Variants in CLEC16A observed in about 807,000 individuals in gnomAD.
CLEC16A encodes C-type lectin domain containing 16A.
Under a neutral mutation model 109.5 loss-of-function variants are expected in CLEC16A, and 51 were observed. The observed-to-expected ratio is 0.47, with a 90% CI of 0.37 to 0.59. The LOEUF (loss-of-function observed/expected upper bound fraction) is 0.59. Among genes scored for constraint, CLEC16A ranks in the 20% least tolerant of loss-of-function variants. The pLI is 0.00. For missense variants in CLEC16A, 1,339 were observed against 1,394.0 expected, an observed-to-expected ratio of 0.96 and a Z score of 0.63; for synonymous variants, 673 against 564.2, an observed-to-expected ratio of 1.19 and a Z score of -2.73.
At position 11,109,229 on chromosome 16, in the gene CLEC16A, G is replaced by A. The variant is rs569955804; in HGVS notation, c.2117-11386G>A. ...CACCCAGGCAGTGGTGCAGTGGTGC[G>A]ATCATGACCCAGTGCAACCTGGAAC... On this transcript the variant is annotated intron_variant, in intron 19 of 23. Transcript: ENST00000409790. Among the ~76,000 whole-genome samples, 8 of 150,682 alleles carry A rather than the reference G, an allele frequency of 5.3e-5. No individual in the cohort carries two copies. In the South Asian group the frequency reaches 1.5e-3, roughly 28 times the overall value.
At chr16:11,158,602 G>C (rs2054614247) in intron 22 of CLEC16A, among the ~76,000 whole-genome samples, 3 of 152,144 alleles carry the variant, frequency 2.0e-5, no homozygotes, top group Non-Finnish European at 4.4e-5. Flanking sequence ...GAGGCCCCAA[G>C]GTATGACAGA....
intron 19 of CLEC16A, among the ~76,000 whole-genome samples, chr16:11,101,531 A>G (rs1338691283): frequency 2.6e-5 from 4 of 152,204 alleles, no homozygotes; most frequent in African/African-American, 7.2e-5. Flanking sequence ...GTGAGGTCCT[A>G]CAGAGCAGGG....
chr16:11,139,308 C>G (rs1443799674), intron 22 of CLEC16A, among the ~76,000 whole-genome samples: 1 of 152,218 alleles, frequency 6.6e-6, no homozygotes, highest in Non-Finnish European at 1.5e-5. Context: ...CTCCTGGCAC[C>G]TCTGCTGAGG....
At chr16:11,090,115 G>A (rs528064154) in intron 19 of CLEC16A, among the ~76,000 whole-genome samples, 4 of 152,226 alleles carry the variant, frequency 2.6e-5, no homozygotes, top group Admixed American at 6.5e-5. Context: ...ACTCCATTGC[G>A]TAGAATCATG....
rs950786213 is a variant in CLEC16A at position 11,012,399 on chromosome 16, T to C, written c.1304-7794T>C. Among the ~76,000 whole-genome samples, 7 of 152,054 alleles carry C rather than the reference T, an allele frequency of 4.6e-5. No homozygotes were observed. The Middle Eastern group carries it at 0.014, about 298-fold the overall frequency. ...TCATGAGGTCAGGAGATCGAGACGA[T>C]CCTGGCTAATACGGTGAAACCCTGT... On this transcript the variant is annotated intron_variant, in intron 11 of 23. Transcript: ENST00000409790.
intron 19 of CLEC16A, among the ~76,000 whole-genome samples, chr16:11,077,526 G>A (rs1031177533): frequency 4.0e-5 from 6 of 150,794 alleles, no homozygotes; most frequent in East Asian, 3.9e-4. Flanking sequence ...GCGTAGTGGC[G>A]TGTGCCTGTA....
intron 19 of CLEC16A, among the ~76,000 whole-genome samples, chr16:11,095,065 A>G (rs2050526328): frequency 6.7e-6 from 1 of 149,604 alleles, no homozygotes; most frequent in Admixed American, 6.7e-5. Flanking sequence ...CTTGTTTCTT[A>G]TTTGAACAGT....
intron 13 of CLEC16A, chr16:11,027,214 C>T: frequency 7.0e-7 from 1 of 1,429,030 alleles, no homozygotes; most frequent in Non-Finnish European, 9.8e-7. Flanking sequence ...CAGCAGAAAC[C>T]TGACAAGGTG....
intron 1 of CLEC16A, among the ~76,000 whole-genome samples, chr16:10,957,309 C>T (rs35890203): frequency 6.6e-6 from 1 of 152,240 alleles, no homozygotes; most frequent in Non-Finnish European, 1.5e-5. Flanking sequence ...CTCCATCTCT[C>T]TAAACCTCAA....
chr16:11,180,223 G>C lies in CLEC16A; in HGVS notation c.*1533G>C, dbSNP rs199770901. The C allele has an allele frequency of 1.3e-5, 2 of 152,478 alleles. No homozygotes were observed. Among genetic ancestry groups the C allele is most frequent in the South Asian group, 4.1e-4 (2 of 4,832 alleles). 9.4% of individuals were successfully genotyped at this position (152,478 alleles called of 1,614,324 possible). ...GCCAGCTGTCCCGGCAAGGCCTGCC[G>C]AGGGCAGTTTTCAACCTCATGAAGG... On this transcript the variant is annotated 3_prime_UTR_variant, in exon 24 of 24. Coordinates refer to ENST00000409790, the MANE Select transcript of CLEC16A (RefSeq NM_015226.3).
chr16:10,989,488 G>A (rs191203004), intron 10 of CLEC16A, among the ~76,000 whole-genome samples: 1 of 152,234 alleles, frequency 6.6e-6, no homozygotes, highest in East Asian at 1.9e-4. Flanking sequence ...ACCCACCTTG[G>A]CCTCGCAAAG....
chr16:11,044,170 G>A, intron 16 of CLEC16A, 98 bp downstream of exon 16: 12 of 1,046,400 alleles, frequency 1.1e-5, no homozygotes, highest in Non-Finnish European at 1.6e-5. Context: ...TATGTCTTCA[G>A]TTATTTTTTA....
chr16:10,954,088 C>A lies in CLEC16A; in HGVS notation c.81-3694C>A, dbSNP rs1049791359. Among the ~76,000 whole-genome samples, 14 of 152,130 alleles carry A rather than the reference C, an allele frequency of 9.2e-5. No individual in the cohort carries two copies. The highest frequency in any genetic ancestry group is 3.4e-4 in the African/African-American group (14 of 41,424). On this transcript the variant is annotated intron_variant, in intron 1 of 23. Coordinates refer to ENST00000409790, the MANE Select transcript of CLEC16A (RefSeq NM_015226.3). This position sits in a 1 kb window ranked among gnomAD's most constrained non-coding sequence, Gnocchi z 4.2. Reference sequence around the variant, plus strand: ...CCCGGTTTCACTACTGGAAGAAAGCCCCCACGCAATATCACTGCATACCCA... The same window carrying A: ...CCCGGTTTCACTACTGGAAGAAAGCACCCACGCAATATCACTGCATACCCA...
intron 9 of CLEC16A, among the ~76,000 whole-genome samples, chr16:10,980,297 A>G (rs1265477865): frequency 2.0e-5 from 3 of 152,090 alleles, no homozygotes; most frequent in Non-Finnish European, 2.9e-5. Context: ...TTCTGGGGCT[A>G]TTTGCTCAGA....
At chr16:11,082,012 A>G (rs1567291974) in intron 19 of CLEC16A, among the ~76,000 whole-genome samples, 1 of 152,186 alleles carries the variant, frequency 6.6e-6, no homozygotes, top group African/African-American at 2.4e-5. Flanking sequence ...AGCCTGGGCG[A>G]CAGAGTGAGA....
intron 13 of CLEC16A, among the ~76,000 whole-genome samples, chr16:11,038,277 A>T (rs927950300): frequency 6.6e-6 from 1 of 152,240 alleles, no homozygotes; most frequent in South Asian, 2.1e-4. Flanking sequence ...ATGAAGCGTC[A>T]TCTGGTACTC....
intron 16 of CLEC16A, among the ~76,000 whole-genome samples, chr16:11,044,775 A>G (rs1226350777): frequency 6.6e-6 from 1 of 152,134 alleles, no homozygotes; most frequent in Non-Finnish European, 1.5e-5. Flanking sequence ...TACTAAAAAT[A>G]CAAAATTAGG....
chr16:11,015,433 C>G (rs1369502941), intron 11 of CLEC16A, among the ~76,000 whole-genome samples: 1 of 152,156 alleles, frequency 6.6e-6, no homozygotes, highest in Non-Finnish European at 1.5e-5. Flanking sequence ...TACTCAATAT[C>G]CAGGGTTGGA....
intron 13 of CLEC16A, 138 bp downstream of exon 13, chr16:11,025,059 T>A (rs1462826262): frequency 1.6e-6 from 1 of 640,654 alleles, no homozygotes; most frequent in Admixed American, 2.5e-5. Flanking sequence ...CCTTTTTGGT[T>A]TTGACTCCCG....
Sources: allele counts gnomAD v4.1 joint callset (sites outside exome capture counted in the v4.1 genomes callset), GRCh38; gene constraint gnomAD v4.1.1; non-coding constraint Gnocchi (gnomAD v3.1); transcripts MANE v1.5; gene names NCBI Gene and HGNC (gene_info 2026-07-23, HGNC 2026-07-21).